The following CACNA2D1 variants were observed in gnomAD, a reference collection of about 807,000 sequenced individuals.
The protein encoded by CACNA2D1 is voltage-dependent calcium channel subunit alpha-2/delta-1.
Under a neutral mutation model 171.5 loss-of-function variants are expected in CACNA2D1, and 53 were observed. The ratio of observed to expected loss-of-function variants is 0.31; its 90% confidence interval spans 0.25 to 0.39. The LOEUF is 0.39. Ranked by LOEUF, CACNA2D1 falls within the 10% of genes least tolerant of loss-of-function variation. CACNA2D1 has a pLI of 1.00. For missense variants in CACNA2D1, 903 were observed against 1,299.8 expected (o/e 0.69, Z 4.69); for synonymous variants, 442 against 443.1 (o/e 1.00, Z 0.03).
chr7:82,318,585 T>A (rs1410926783), intron 3 of CACNA2D1, among the ~76,000 whole-genome samples: 1 of 152,208 alleles, frequency 6.6e-6, no homozygotes, highest in East Asian at 1.9e-4. Context: ...CCTTCTCCTT[T>A]GTTCTCTCCA....
At chr7:82,325,068 A>T (rs1816483566) in intron 3 of CACNA2D1, among the ~76,000 whole-genome samples, 1 of 152,218 alleles carries the variant, frequency 6.6e-6, no homozygotes, top group Admixed American at 6.5e-5. Flanking sequence ...CACCTGCACT[A>T]CATTTCAAGG....
intron 2 of CACNA2D1, among the ~76,000 whole-genome samples, chr7:82,348,668 A>G (rs182683729): frequency 6.6e-6 from 1 of 152,310 alleles, no homozygotes; most frequent in Non-Finnish European, 1.5e-5. Context: ...TTCTATTAAT[A>G]CATAAAGTAA....
At chr7:82,251,053 T>C (rs2129315037) in intron 3 of CACNA2D1, among the ~76,000 whole-genome samples, 1 of 152,254 alleles carries the variant, frequency 6.6e-6, no homozygotes, top group Non-Finnish European at 1.5e-5. Context: ...AAGTCAGATA[T>C]CTGTATCTGT....
intron 3 of CACNA2D1, among the ~76,000 whole-genome samples, chr7:82,203,229 T>C (rs1358112196): frequency 6.6e-6 from 1 of 152,070 alleles, no homozygotes; most frequent in East Asian, 1.9e-4. Context: ...CTGGTGCTGG[T>C]AGACACCAGC....
chr7:81,959,598 G>C, intron 37 of CACNA2D1, 122 bp downstream of exon 37: 1 of 1,086,010 alleles, frequency 9.2e-7, no homozygotes, highest in Non-Finnish European at 1.4e-6. Context: ...AATCGATTCT[G>C]CCTTTGCGAG....
At chr7:82,221,758 A>G (rs1801794190) in intron 3 of CACNA2D1, among the ~76,000 whole-genome samples, 1 of 145,774 alleles carries the variant, frequency 6.9e-6, no homozygotes, top group Non-Finnish European at 1.5e-5. Flanking sequence ...AAGAAAAAAA[A>G]TCAGTTCACT....
chr7:82,246,354 T>TA (rs1454668992), intron 3 of CACNA2D1, among the ~76,000 whole-genome samples: 1 of 152,148 alleles, frequency 6.6e-6, no homozygotes, highest in Non-Finnish European at 1.5e-5. Flanking sequence ...AGAAAGTGAA[T>TA]GTAGTTCATC....
rs542778674 is a variant in CACNA2D1 at position 82,163,937 on chromosome 7, T to A, written c.354+6613A>T. Among the ~76,000 whole-genome samples the A allele has an allele frequency of 1.8e-4, 28 of 152,096 alleles. No individual in the cohort carries two copies. The South Asian group carries it at 5.8e-3, about 32-fold the overall frequency. On this transcript the variant is annotated intron_variant, in intron 4 of 38. Coordinates refer to ENST00000356860, the MANE Select transcript of CACNA2D1 (RefSeq NM_000722.4). ...TTATCAAGCATCTTGCAGTAATAAT[T>A]ATGCTGCTGGAGATCACAGAGCCAA...
chr7:82,181,015 T>G (rs1355227853), intron 3 of CACNA2D1, among the ~76,000 whole-genome samples: 1 of 142,658 alleles, frequency 7.0e-6, no homozygotes, highest in African/African-American at 2.6e-5. Context: ...AGGTTTATCA[T>G]GGTCAGCAGC....
chr7:82,103,411 A>G (rs1386852416), intron 6 of CACNA2D1, among the ~76,000 whole-genome samples: 1 of 152,178 alleles, frequency 6.6e-6, no homozygotes, highest in Non-Finnish European at 1.5e-5. Context: ...AGAAAAGATT[A>G]TGTGTTGAAA....
At chr7:82,437,229 A>T (rs1830174855) in intron 1 of CACNA2D1, among the ~76,000 whole-genome samples, 1 of 152,174 alleles carries the variant, frequency 6.6e-6, no homozygotes, top group Non-Finnish European at 1.5e-5. Context: ...TAGTAATTAT[A>T]TGCATGTGTA....
At chr7:81,992,307 G>T (rs1285452944) in intron 20 of CACNA2D1, among the ~76,000 whole-genome samples, 1 of 152,058 alleles carries the variant, frequency 6.6e-6, no homozygotes, top group Non-Finnish European at 1.5e-5. Flanking sequence ...TTTATATCCT[G>T]CAATTTATTG....
At chr7:82,221,324 C>G (rs1235009001) in intron 3 of CACNA2D1, among the ~76,000 whole-genome samples, 2 of 152,152 alleles carry the variant, frequency 1.3e-5, no homozygotes, top group Non-Finnish European at 2.9e-5. Flanking sequence ...TTTTTAAACA[C>G]TCTTGCATTA....
At chr7:82,311,055 G>A (rs1189714223) in intron 3 of CACNA2D1, among the ~76,000 whole-genome samples, 2 of 152,024 alleles carry the variant, frequency 1.3e-5, no homozygotes, top group African/African-American at 4.8e-5. Context: ...AGTTATATGT[G>A]TATAAATTAA....
chr7:82,094,783 C>T (rs1320130680), intron 6 of CACNA2D1, among the ~76,000 whole-genome samples: 2 of 115,616 alleles, frequency 1.7e-5, no homozygotes, highest in Non-Finnish European at 3.6e-5. Flanking sequence ...TCCAATCTGA[C>T]AAAAGATAAT....
chr7:82,014,531 A>T (rs780845757), intron 12 of CACNA2D1, 52 bp from the exon 13 acceptor site: 3 of 962,258 alleles, frequency 3.1e-6, no homozygotes, highest in Non-Finnish European at 3.4e-6. Flanking sequence ...ATTTAATTCA[A>T]TGGCAAAATA....
chr7:82,317,292 C>A (rs2129436198), intron 3 of CACNA2D1, among the ~76,000 whole-genome samples: 1 of 152,278 alleles, frequency 6.6e-6, no homozygotes, highest in South Asian at 2.1e-4. Flanking sequence ...ATGTACACTG[C>A]CAGCTTCCTC....
chr7:82,057,305 A>G (rs925969223), intron 10 of CACNA2D1, among the ~76,000 whole-genome samples: 28 of 152,102 alleles, frequency 1.8e-4, no homozygotes, highest in Non-Finnish European at 3.2e-4. Flanking sequence ...AGAATGTATC[A>G]ATATGAAAAC....
chr7:82,377,114 G>A (rs2237524), intron 1 of CACNA2D1, among the ~76,000 whole-genome samples: 98,889 of 151,986 alleles, frequency 0.65, 32,283 homozygotes, highest in Middle Eastern at 0.74. Context: ...AATTTTGTCA[G>A]GAAAATCTGG....
Sources: gnomAD v4.1 joint callset for allele counts (sites outside exome capture counted in the v4.1 genomes callset) on GRCh38, gnomAD v4.1.1 for gene constraint, MANE v1.5 for transcripts, NCBI Gene and HGNC (gene_info 2026-07-23, HGNC 2026-07-21) for gene names.